The following FAM221B variants were observed in gnomAD, a reference collection of about 807,000 sequenced individuals.
FAM221B encodes the protein family with sequence similarity 221 member B.
Under a neutral mutation model 39.8 loss-of-function variants are expected in FAM221B, and 35 were observed. The observed-to-expected ratio is 0.88, with a 90% CI of 0.67 to 1.17. FAM221B has a LOEUF of 1.17. Ranked by LOEUF, FAM221B falls within the 50% of genes most tolerant of loss-of-function variation. FAM221B has a pLI of 0.00. For synonymous variants in FAM221B, 158 were observed against 178.1 expected, an observed-to-expected ratio of 0.89 and a Z score of 0.90; for missense variants, 479 against 503.1, an observed-to-expected ratio of 0.95 and a Z score of 0.46.
At position 35,825,945 on chromosome 9, in the gene FAM221B, CAGGGGAATGGGCCTCTA is replaced by C; in HGVS notation, c.200_216del (p.Leu67Ter). On this transcript the variant is annotated frameshift_variant, in exon 2 of 7. Transcript: ENST00000423537. LOFTEE classifies it high-confidence loss of function. This position sits in a 1 kb window ranked among gnomAD's most constrained non-coding sequence, Gnocchi z 4.2. ...GAGATGGAAGGCTCCTGATGGGTTTCAGGGGAATGGGCCTCTAAGGGGATCTGGGAAGGGGATGGCAC... is the reference window on the plus strand; with the variant it reads ...GAGATGGAAGGCTCCTGATGGGTTTCAGGGGATCTGGGAAGGGGATGGCAC... The C allele has an allele frequency of 6.2e-7, 1 of 1,613,924 alleles. No individual in the cohort carries two copies. Among genetic ancestry groups the C allele is most frequent in the Non-Finnish European group, 8.5e-7 (1 of 1,179,982 alleles).
At position 35,825,208 on chromosome 9, in the gene FAM221B, C is replaced by T. The variant is rs528658090; in HGVS notation, c.742+22G>A. The T allele has an allele frequency of 7.8e-5, 126 of 1,613,952 alleles. No homozygotes were observed. Among genetic ancestry groups the T allele is most frequent in the Middle Eastern group, 4.9e-4 (3 of 6,062 alleles). On this transcript the variant is annotated intron_variant, in intron 3 of 6. Coordinates refer to ENST00000423537, the MANE Select transcript of FAM221B (RefSeq NM_001012446.4). This position sits in a 1 kb window ranked among gnomAD's most constrained non-coding sequence, Gnocchi z 4.2. ...ATGCCCATGGGCCTGTCACAGGCCT[C>T]TGAAAGGCCACATGGGCTCACCTGT...
In FAM221B at chr9:35,819,879, T is replaced by C; in HGVS notation, c.853+11A>G. On this transcript the variant is annotated intron_variant, in intron 4 of 6. Coordinates refer to ENST00000423537, the MANE Select transcript of FAM221B (RefSeq NM_001012446.4). ...TCCACACTCGAGAGGGGCTGGTCAG[T>C]TCTCCCCTACCTGAGATGATCCGGT... 1 of 1,591,102 alleles carries C rather than the reference T, an allele frequency of 6.3e-7. No homozygotes were observed. Among genetic ancestry groups the C allele is most frequent in the African/African-American group, 1.3e-5 (1 of 74,512 alleles).
chr9:35,820,075 T>C, intron 3 of FAM221B, 75 bp from the exon 4 acceptor site: 1 of 1,055,652 alleles, frequency 9.5e-7, no homozygotes, highest in Non-Finnish European at 1.5e-6. Context: ...TATCCCTTGA[T>C]GGAGGTGAGG....
At chr9:35,824,838 C>T (rs894937376) in intron 3 of FAM221B, among the ~76,000 whole-genome samples, 13 of 152,148 alleles carry the variant, frequency 8.5e-5, no homozygotes, top group African/African-American at 2.2e-4. Context: ...CCTGCCACCA[C>T]GCCCGGCTAA....
In FAM221B at chr9:35,819,896, T is replaced by G; in HGVS notation, c.847A>C (p.Ile283Leu). Residue 283 changes from isoleucine to leucine, a missense_variant, in exon 4 of 7, where the codon ATC (isoleucine) becomes CTC (leucine). By Grantham distance (5) the Ile-to-Leu change is conservative. Transcript: ENST00000423537. ...CGHLLREHRI[I>L]SDISVPCKVS... ...CTGGTCAGTTCTCCCCTACCTGAGATGATCCGGTGCTCTCTCAACAAGTGT... is the reference window on the plus strand; with the variant it reads ...CTGGTCAGTTCTCCCCTACCTGAGAGGATCCGGTGCTCTCTCAACAAGTGT... 1 of 1,593,412 alleles carries G rather than the reference T, an allele frequency of 6.3e-7. No individual in the cohort carries two copies. The highest frequency in any genetic ancestry group is 1.1e-5 in the South Asian group (1 of 90,720).
At position 35,828,354 on chromosome 9, in the gene FAM221B, A is replaced by ACTT. The variant is rs1829512669; in HGVS notation, c.-1+108_-1+109insAAG. On this transcript the variant is annotated intron_variant, in intron 1 of 6. Transcript: ENST00000423537. This position sits in a 1 kb window ranked among gnomAD's most constrained non-coding sequence, Gnocchi z 4.5. The stretch of plus-strand genomic sequence containing the variant: ...AACAACTACTACTACTACTACTACT[A>ACTT]CTACTACTACTACTACTACTACTAC... The ACTT allele has an allele frequency of 5.6e-6, 1 of 177,298 alleles. No homozygotes were observed. The highest frequency in any genetic ancestry group is 2.4e-5 in the African/African-American group (1 of 41,060). The allele number at this position is 177,298 out of a possible 1,614,324, so 11.0% of individuals were successfully genotyped here.
At position 35,825,247 on chromosome 9, in the gene FAM221B, AG is replaced by A; in HGVS notation, c.724del (p.Leu242Ter). 1 of 1,614,236 alleles carries A rather than the reference AG, an allele frequency of 6.2e-7. No homozygotes were observed. Among genetic ancestry groups the A allele is most frequent in the Non-Finnish European group, 8.5e-7 (1 of 1,180,038 alleles). Reference sequence around the variant, plus strand: ...GGGCTCACCTGTCTGGATGGCATTCAGGGCTGCATCCTTCTCCCACTGGAAA... The same window carrying A: ...GGGCTCACCTGTCTGGATGGCATTCAGGCTGCATCCTTCTCCCACTGGAAA... ...NLFQWEKDAA[L>X]NAIQTGLYIG... On this transcript the variant is annotated frameshift_variant, in exon 3 of 7. Transcript: ENST00000423537. LOFTEE classifies it high-confidence loss of function. This position sits in a 1 kb window ranked among gnomAD's most constrained non-coding sequence, Gnocchi z 4.2.
intron 3 of FAM221B, chr9:35,821,648 T>TA: frequency 7.3e-7 from 1 of 1,363,636 alleles, no homozygotes; most frequent in Non-Finnish European, 9.8e-7. Context: ...CAGGATACAT[T>TA]AAAAAAGCAG....
At position 35,818,324 on chromosome 9, in the gene FAM221B, G is replaced by A. The variant is rs1588088376; in HGVS notation, c.*145C>T. ...GAATGTGAGTGTGATGGAGGCAGAT[G>A]GCCAGATCCAGGCTTTCTCCTGTGT... is the stretch of plus-strand genomic sequence containing the variant. On this transcript the variant is annotated 3_prime_UTR_variant, in exon 7 of 7. Coordinates refer to ENST00000423537, the MANE Select transcript of FAM221B (RefSeq NM_001012446.4). The A allele has an allele frequency of 2.7e-6, 2 of 741,132 alleles. No homozygotes were observed. Among genetic ancestry groups the A allele is most frequent in the East Asian group, 5.5e-5 (2 of 36,670 alleles). 45.9% of individuals were successfully genotyped at this position (741,132 alleles called of 1,614,324 possible).
chr9:35,821,734 G>T, intron 3 of FAM221B: 1 of 606,852 alleles, frequency 1.6e-6, no homozygotes, highest in African/African-American at 1.9e-5. Context: ...GTAGGAATCA[G>T]TGCCCAGCAT....
In FAM221B at chr9:35,822,569, G is replaced by A. The variant is rs139631985; in HGVS notation, c.743-2569C>T. Among the ~76,000 whole-genome samples, 1,007 of 152,068 alleles carry A rather than the reference G, an allele frequency of 6.6e-3. 9 individuals carry two copies. Among genetic ancestry groups the A allele is most frequent in the Non-Finnish European group, 0.011 (746 of 67,974 alleles). On this transcript the variant is annotated intron_variant, in intron 3 of 6. Coordinates refer to ENST00000423537, the MANE Select transcript of FAM221B (RefSeq NM_001012446.4). Reference sequence around the variant, plus strand: ...ATTACAGGTGTCCGCCACCACACCCGGCTAATTTTTTGTATTTTTAATAGA... The same window carrying A: ...ATTACAGGTGTCCGCCACCACACCCAGCTAATTTTTTGTATTTTTAATAGA...
In FAM221B at chr9:35,825,479, C is replaced by A; in HGVS notation, c.598+85G>T. ...CCAGTCTCCTCCTCCTGGGGCAAGT[C>A]AAGGACAGTGAATAGTAGTGAGAAC... On this transcript the variant is annotated intron_variant, in intron 2 of 6. Coordinates refer to ENST00000423537, the MANE Select transcript of FAM221B (RefSeq NM_001012446.4). The surrounding 1 kb of genome is among the most constrained non-coding windows in gnomAD (Gnocchi z 4.2). 3 of 1,583,624 alleles carry A rather than the reference C, an allele frequency of 1.9e-6. No individual in the cohort carries two copies. The highest frequency in any genetic ancestry group is 2.3e-5 in the South Asian group (2 of 87,380).
At chr9:35,821,664 G>A (rs779991476) in intron 3 of FAM221B, 7 of 1,353,156 alleles carry the variant, frequency 5.2e-6, no homozygotes, top group Non-Finnish European at 6.9e-6. Flanking sequence ...AGCAGGAGGT[G>A]AGGCCCAAAG....
chr9:35,818,595 G>A (rs1297023810), intron 6 of FAM221B, 89 bp from the exon 7 acceptor site: 21 of 1,326,212 alleles, frequency 1.6e-5, no homozygotes, highest in Middle Eastern at 2.3e-4. Flanking sequence ...AGGGAGCCCC[G>A]GGGGACTAGG....
In FAM221B at chr9:35,825,755, T is replaced by C; in HGVS notation, c.407A>G (p.Glu136Gly). 1 of 1,614,202 alleles carries C rather than the reference T, an allele frequency of 6.2e-7. No homozygotes were observed. Among genetic ancestry groups the C allele is most frequent in the Non-Finnish European group, 8.5e-7 (1 of 1,180,024 alleles). ...EDLSSESSSN[E>G]VPWTRRSTHL... ...GGTAGACCTCCTTGTCCATGGGACC[T>C]CATTGGAAGAAGACTCAGAGGAGAG... Residue 136 changes from glutamate (E) to glycine (G), a missense_variant, in exon 2 of 7, where the codon GAG (glutamate) becomes GGG (glycine). By Grantham distance (98) the Glu-to-Gly change is moderately conservative. Transcript: ENST00000423537. This position sits in a 1 kb window ranked among gnomAD's most constrained non-coding sequence, Gnocchi z 4.2.
In FAM221B at chr9:35,817,191, G is replaced by A. The variant is rs1829040400; in HGVS notation, c.*1278C>T. ...TCTCCTACTCCCATAAGAACCTATG[G>A]ACTCCCTTGTGACTTCCCACATTCA... On this transcript the variant is annotated 3_prime_UTR_variant, in exon 7 of 7. Transcript: ENST00000423537. 1 of 152,180 alleles carries A rather than the reference G, an allele frequency of 6.6e-6. No homozygotes were observed. 9.4% of individuals were successfully genotyped at this position (152,180 alleles called of 1,614,324 possible).
chr9:35,819,546 G>T (rs568216655), intron 4 of FAM221B, among the ~76,000 whole-genome samples, 152 bp from the exon 5 acceptor site: 1 of 151,678 alleles, frequency 6.6e-6, no homozygotes, highest in Non-Finnish European at 1.5e-5. Flanking sequence ...AGGCTGGAGT[G>T]CAGTGGCATG....
Position 35,825,115 on chromosome 9 carries a change from T to G in FAM221B, c.742+115A>C. 8.1e-7 allele frequency: 1 copy of G among 1,234,442 alleles called. No homozygotes were observed. Among genetic ancestry groups the G allele is most frequent in the Non-Finnish European group, 1.1e-6 (1 of 885,382 alleles). The allele number at this position is 1,234,442 out of a possible 1,614,324, so 76.5% of individuals were successfully genotyped here. On this transcript the variant is annotated intron_variant, in intron 3 of 6. Coordinates refer to ENST00000423537, the MANE Select transcript of FAM221B (RefSeq NM_001012446.4). The surrounding 1 kb of genome is among the most constrained non-coding windows in gnomAD (Gnocchi z 4.2). ...GCCTGCTCCTTTTCCAGGCAGGTGG[T>G]ATAGCCATTTCCAAAAGGGGAAGCT...
rs969905504 is a variant in FAM221B, at chr9:35,818,626, A to T, written c.1172-120T>A. ...CTAGGGTGGGAGCTGGGAAGGCCAG[A>T]GGGCCCCTGTATCTGCAGGGCCTAG... On this transcript the variant is annotated intron_variant, in intron 6 of 6. Coordinates refer to ENST00000423537, the MANE Select transcript of FAM221B (RefSeq NM_001012446.4). 4 of 1,097,084 alleles carry T rather than the reference A, an allele frequency of 3.6e-6. No homozygotes were observed. The African/African-American group carries it at 6.3e-5, about 17-fold the overall frequency. The allele number at this position is 1,097,084 out of a possible 1,614,324, so 68.0% of individuals were successfully genotyped here. A position where few individuals can be genotyped will look rare whatever the true frequency, so the allele number is the denominator to read the frequency against.
Sources: gnomAD v4.1 joint callset for allele counts (sites outside exome capture counted in the v4.1 genomes callset) on GRCh38, gnomAD v4.1.1 for gene constraint, Gnocchi (gnomAD v3.1) non-coding constraint, MANE v1.5 for transcripts, NCBI Gene and HGNC (gene_info 2026-07-23, HGNC 2026-07-21) for gene names.